SH3RF2: variants seen among roughly 807,000 people sequenced by gnomAD.
SH3RF2 encodes the protein SH3 domain containing ring finger 2.
SH3RF2 carries 43 observed loss-of-function variants against 59.0 expected under a neutral mutation model. That is an observed-to-expected ratio of 0.73 (90% confidence interval 0.57 to 0.94). The LOEUF is 0.94. Among genes scored for constraint, SH3RF2 ranks in the 40% least tolerant of loss-of-function variants. The pLI is 0.00. For missense variants in SH3RF2, 930 were observed against 940.1 expected, an observed-to-expected ratio of 0.99 and a Z score of 0.14; for synonymous variants, 391 against 391.5, an observed-to-expected ratio of 1.00 and a Z score of 0.01.
At chr5:145,992,992 T>A (rs1261183015) in intron 2 of SH3RF2, among the ~76,000 whole-genome samples, 2 of 152,080 alleles carry the variant, frequency 1.3e-5, no homozygotes, top group Non-Finnish European at 2.9e-5. Flanking sequence ...CCTACGAGCC[T>A]GTAAAATCAA....
At chr5:145,944,375 G>C (rs1337778067) in intron 2 of SH3RF2, among the ~76,000 whole-genome samples, 5 of 149,482 alleles carry the variant, frequency 3.3e-5, no homozygotes, top group Non-Finnish European at 3.0e-5. Flanking sequence ...TTTAGAGACA[G>C]GGTCTCATTC....
At chr5:145,985,129 C>T (rs1359902055) in intron 2 of SH3RF2, among the ~76,000 whole-genome samples, 1 of 152,046 alleles carries the variant, frequency 6.6e-6, no homozygotes, top group Non-Finnish European at 1.5e-5. Context: ...TCATTCCAGC[C>T]TGGACAACAG....
At chr5:145,957,620 C>T (rs969796698) in intron 2 of SH3RF2, among the ~76,000 whole-genome samples, 1 of 152,040 alleles carries the variant, frequency 6.6e-6, no homozygotes, top group Non-Finnish European at 1.5e-5. Flanking sequence ...TTAACCTGCT[C>T]AAAGGCACAC....
intron 7 of SH3RF2, among the ~76,000 whole-genome samples, chr5:146,052,138 C>T (rs1278048251): frequency 6.6e-6 from 1 of 152,068 alleles, no homozygotes; most frequent in Non-Finnish European, 1.5e-5. Flanking sequence ...AGGCCTTAGT[C>T]CTAAATCCTG....
chr5:145,993,137 A>G (rs994469956), intron 2 of SH3RF2, among the ~76,000 whole-genome samples: 1 of 152,144 alleles, frequency 6.6e-6, no homozygotes, highest in Non-Finnish European at 1.5e-5. Flanking sequence ...GGGGCAGTCA[A>G]ATCTTAAAGC....
chr5:146,028,342 A>T (rs989896515), intron 5 of SH3RF2, among the ~76,000 whole-genome samples: 7 of 152,246 alleles, frequency 4.6e-5, no homozygotes, highest in African/African-American at 1.7e-4. Flanking sequence ...GCACAGACAG[A>T]CCTTGATGGT....
intron 5 of SH3RF2, among the ~76,000 whole-genome samples, chr5:146,037,988 G>C (rs1762000091): frequency 6.6e-6 from 1 of 152,172 alleles, no homozygotes; most frequent in Non-Finnish European, 1.5e-5. Flanking sequence ...TCATGATCAA[G>C]TTGGGTTTTT....
intron 8 of SH3RF2, among the ~76,000 whole-genome samples, chr5:146,059,246 C>T (rs1242786028): frequency 6.6e-6 from 1 of 152,170 alleles, no homozygotes; most frequent in Non-Finnish European, 1.5e-5. Context: ...TCCAAATTTG[C>T]CTTTGTCTGC....
intron 2 of SH3RF2, among the ~76,000 whole-genome samples, chr5:145,999,794 A>C (rs1046797951): frequency 3.9e-5 from 6 of 152,166 alleles, no homozygotes; most frequent in Non-Finnish European, 4.4e-5. Context: ...CATAGCAGAT[A>C]TAATAATAAT....
At chr5:145,960,036 CATGT>C (rs907459355) in intron 2 of SH3RF2, among the ~76,000 whole-genome samples, 1 of 152,086 alleles carries the variant, frequency 6.6e-6, no homozygotes, top group African/African-American at 2.4e-5. Flanking sequence ...TGTATGTATG[CATGT>C]ATGTATGTAT....
chr5:145,962,346 T>G (rs1758661868), intron 2 of SH3RF2, among the ~76,000 whole-genome samples: 1 of 152,208 alleles, frequency 6.6e-6, no homozygotes, highest in Non-Finnish European at 1.5e-5. Context: ...AAGTCCTAAG[T>G]GCATTTTTAG....
chr5:146,037,307 A>T (rs974329271), intron 5 of SH3RF2, among the ~76,000 whole-genome samples: 1 of 152,154 alleles, frequency 6.6e-6, no homozygotes, highest in African/African-American at 2.4e-5. Context: ...ACAATGCCAA[A>T]GCTCAAACCC....
intron 2 of SH3RF2, among the ~76,000 whole-genome samples, chr5:145,990,103 G>A (rs923505167): frequency 2.0e-5 from 3 of 152,144 alleles, no homozygotes; most frequent in Non-Finnish European, 4.4e-5. Flanking sequence ...GAGAATTGGA[G>A]ATCTCATCTA....
At chr5:146,041,805 T>A (rs1762135866) in intron 5 of SH3RF2, among the ~76,000 whole-genome samples, 1 of 151,906 alleles carries the variant, frequency 6.6e-6, no homozygotes, top group Admixed American at 6.6e-5. Flanking sequence ...GTGATGCACA[T>A]CTGTAGTCCC....
chr5:146,063,429 G>T (rs1238061908), downstream of SH3RF2: 1 of 152,238 alleles, frequency 6.6e-6, no homozygotes, highest in Non-Finnish European at 1.5e-5. Flanking sequence ...AAAGCATGTG[G>T]CTGTGGATAG....
At chr5:146,009,697 A>T (rs1760797372) in intron 4 of SH3RF2, among the ~76,000 whole-genome samples, 1 of 152,136 alleles carries the variant, frequency 6.6e-6, no homozygotes, top group South Asian at 2.1e-4. Context: ...CACCCCTTCC[A>T]GGCCTTGGCC....
intron 3 of SH3RF2, among the ~76,000 whole-genome samples, chr5:146,000,693 C>G (rs1314424801): frequency 6.6e-6 from 1 of 152,054 alleles, no homozygotes; most frequent in Non-Finnish European, 1.5e-5. Flanking sequence ...ATAAGCAAAA[C>G]AAGGAAAATA....
At chr5:146,079,557 C>T (rs747817686) in exon 10 of SH3RF2, 1 of 152,190 alleles carries the variant, frequency 6.6e-6, no homozygotes, top group Non-Finnish European at 1.5e-5. Context: ...ACTGAGGAAG[C>T]ATCCTCAGTT....
At chr5:145,978,071 A>C (rs1366932018) in intron 2 of SH3RF2, among the ~76,000 whole-genome samples, 1 of 152,212 alleles carries the variant, frequency 6.6e-6, no homozygotes, top group African/African-American at 2.4e-5. Flanking sequence ...TTACACACTA[A>C]TTCTGTGCTC....
Sources: allele counts gnomAD v4.1 joint callset (sites outside exome capture counted in the v4.1 genomes callset), GRCh38; gene constraint gnomAD v4.1.1; transcripts MANE v1.5; gene names NCBI Gene and HGNC (gene_info 2026-07-23, HGNC 2026-07-21).